Variants in CXXC1 observed in about 807,000 individuals in gnomAD.
CXXC1 encodes the protein CXXC finger protein 1.
In CXXC1, 21 loss-of-function variants were observed where a neutral mutation model predicts 83.6. The observed-to-expected ratio is 0.25, with a 90% confidence interval of 0.18 to 0.36. The LOEUF (loss-of-function observed/expected upper bound fraction) is 0.36, where lower values mean the gene tolerates loss of function less well. CXXC1 is among the 10% of genes least tolerant of loss of function. The probability of loss-of-function intolerance (pLI) is 1.00; values close to 1 mark genes in which losing one functional copy is unlikely to be tolerated. For synonymous variants in CXXC1, 371 were observed against 337.5 expected, an observed-to-expected ratio of 1.10 and a Z score of -1.09; for missense variants, 688 against 919.5, an observed-to-expected ratio of 0.75 and a Z score of 3.26.
At position 50,285,390 on chromosome 18, in the gene CXXC1, G is replaced by A. The variant is rs1234094493; in HGVS notation, c.640-39C>T. On this transcript the variant is annotated intron_variant, in intron 5 of 14. Transcript: ENST00000285106. The surrounding 1 kb of genome is among the most constrained non-coding windows in gnomAD (Gnocchi z 4.4). ...AGGAAGGCCCAGGTCAGCCCCAGGTGGATGGAGGGCGGCCTTGCCCTAGCC... is the reference window on the plus strand; with the variant it reads ...AGGAAGGCCCAGGTCAGCCCCAGGTAGATGGAGGGCGGCCTTGCCCTAGCC... 6.4e-7 allele frequency: 1 copy of A among 1,560,810 alleles called. No individual in the cohort carries two copies. Among genetic ancestry groups the A allele is most frequent in the Admixed American group, 1.8e-5 (1 of 54,544 alleles).
At position 50,285,253 on chromosome 18, in the gene CXXC1, G is replaced by A. The variant is rs1343939528; in HGVS notation, c.667-6C>T. On this transcript the variant is annotated splice_polypyrimidine_tract_variant and splice_region_variant and intron_variant, in intron 6 of 14. Transcript: ENST00000285106. This position sits in a 1 kb window ranked among gnomAD's most constrained non-coding sequence, Gnocchi z 4.4. The stretch of plus-strand genomic sequence containing the variant: ...GAGGGCGTCACTGGTGAGAGCTGCA[G>A]GGCAGAATCTCAGGACTGGCCCTGA... 1.9e-6 allele frequency: 3 copies of A among 1,613,942 alleles called. No homozygotes were observed. The highest frequency in any genetic ancestry group is 2.5e-6 in the Non-Finnish European group (3 of 1,179,962).
Position 50,285,276 on chromosome 18 carries a change from T to A in CXXC1, c.667-29A>T. ...CAGGGCAGAATCTCAGGACTGGCCC[T>A]GACCGCCCTGCCCGCATGCCCCACC... On this transcript the variant is annotated intron_variant, in intron 6 of 14. Transcript: ENST00000285106. The surrounding 1 kb of genome is among the most constrained non-coding windows in gnomAD (Gnocchi z 4.4). The A allele has an allele frequency of 1.9e-6, 3 of 1,612,816 alleles. No individual in the cohort carries two copies. The highest frequency in any genetic ancestry group is 2.5e-6 in the Non-Finnish European group (3 of 1,179,064).
chr18:50,283,383 G>A (rs2040631105), intron 12 of CXXC1, 22 bp from the exon 13 acceptor site: 4 of 1,606,946 alleles, frequency 2.5e-6, no homozygotes, highest in African/African-American at 1.3e-5. Flanking sequence ...GAGTAGAGAG[G>A]GCAGTAGAGG....
At chr18:50,284,328 G>T in intron 9 of CXXC1, 50 bp downstream of exon 9, 2 of 1,517,812 alleles carry the variant, frequency 1.3e-6, no homozygotes, top group South Asian at 2.6e-5. Flanking sequence ...CTGTGGTCAG[G>T]CCCTACCATG....
At position 50,282,873 on chromosome 18, in the gene CXXC1, T is replaced by A; in HGVS notation, c.1805A>T (p.Asp602Val). 1 of 1,614,134 alleles carries A rather than the reference T, an allele frequency of 6.2e-7. No homozygotes were observed. Residue 602 changes from aspartate (D) to valine (V), a missense_variant, in exon 14 of 15, where the codon GAC becomes GTC. Physicochemically the swap from Asp to Val is radical, Grantham distance 152 (BLOSUM62 -3). Around this residue, in one of 9 missense-constraint regions of CXXC1, gnomAD observed 114 missense variants for 173.3 expected, o/e 0.66. Transcript: ENST00000285106. The surrounding 1 kb of genome is among the most constrained non-coding windows in gnomAD (Gnocchi z 5.8). ...ACCTACCACACGCACGCGCTCCAAG[T>A]CCACTTCCGCACGCCGCAGCTTCTC... ...CWEKLRRAEV[D>V]LERVRVWYKL...
chr18:50,283,735 G>A lies in CXXC1; in HGVS notation c.1494C>T (p.Ala498=). Residue 498 remains alanine, a synonymous_variant, in exon 11 of 15, where the codon GCC becomes GCT. Coordinates refer to ENST00000285106, the MANE Select transcript of CXXC1 (RefSeq NM_014593.4). ...SCGHPINPRV[A]LRHMERCYAK... ...CGTAGCAGCGCTCCATGTGGCGCAA[G>A]GCAACACGTGGGTTGATGGGGTGCC... is the stretch of plus-strand genomic sequence containing the variant. 1 of 1,614,222 alleles carries A rather than the reference G, an allele frequency of 6.2e-7. No homozygotes were observed. Among genetic ancestry groups the A allele is most frequent in the African/African-American group, 1.3e-5 (1 of 75,050 alleles).
Position 50,286,488 on chromosome 18 carries a change from C to T in CXXC1, c.223+51G>A, listed in dbSNP as rs367988588. 29 of 1,495,100 alleles carry T rather than the reference C, an allele frequency of 1.9e-5. No individual in the cohort carries two copies. In the African/African-American group the frequency reaches 3.7e-4, roughly 19 times the overall value. 92.6% of individuals were successfully genotyped at this position (1,495,100 alleles called of 1,614,324 possible). A position where few individuals can be genotyped will look rare whatever the true frequency, so the allele number is the denominator to read the frequency against. On this transcript the variant is annotated intron_variant, in intron 3 of 14. Coordinates refer to ENST00000285106, the MANE Select transcript of CXXC1 (RefSeq NM_014593.4). ...CCCATAACCCCCCCTTGTGGCTCCT[C>T]CTCCTCCCTTGAAGCCCCACCTGCC...
chr18:50,287,303 G>A (rs1344693731), intron 1 of CXXC1: 13 of 536,640 alleles, frequency 2.4e-5, no homozygotes, highest in African/African-American at 3.8e-5. Flanking sequence ...ACCACTCAAT[G>A]TGACTCCTTA....
chr18:50,287,672 G>A lies in CXXC1; in HGVS notation c.-83C>T. The A allele has an allele frequency of 1.9e-6, 3 of 1,567,370 alleles. No homozygotes were observed. Among genetic ancestry groups the A allele is most frequent in the African/African-American group, 2.7e-5 (2 of 74,110 alleles). On this transcript the variant is annotated 5_prime_UTR_variant, in exon 1 of 15. Transcript: ENST00000285106. Reference sequence around the variant, plus strand: ...AGACCACTCGGCGGCGTCCCAGGCGGTTGCAAAGGCGCCCACAACTACTTC... The same window carrying A: ...AGACCACTCGGCGGCGTCCCAGGCGATTGCAAAGGCGCCCACAACTACTTC...
Position 50,286,810 on chromosome 18 carries a change from T to G in CXXC1, c.52A>C (p.Lys18Gln). 6.2e-7 allele frequency: 1 copy of G among 1,614,154 alleles called. No individual in the cohort carries two copies. Among genetic ancestry groups the G allele is most frequent in the Non-Finnish European group, 8.5e-7 (1 of 1,180,004 alleles). Residue 18 changes from lysine (K) to glutamine (Q), a missense_variant, in exon 2 of 15, where the codon AAG becomes CAG. Physicochemically the swap from Lys to Gln is moderately conservative, Grantham distance 53. Around this residue, in one of 9 missense-constraint regions of CXXC1, gnomAD observed 51 missense variants for 48.0 expected, o/e 1.06. Coordinates refer to ENST00000285106, the MANE Select transcript of CXXC1 (RefSeq NM_014593.4). Reference sequence around the variant, plus strand: ...GGCGCATTCTCCCCATTCTCGGACTTGCTGTCCTCCCCGGCATCTGGAGGC... The same window carrying G: ...GGCGCATTCTCCCCATTCTCGGACTGGCTGTCCTCCCCGGCATCTGGAGGC... ...PEPPDAGEDSKSENGENAPIY... is the reference protein window; with the variant it reads ...PEPPDAGEDSQSENGENAPIY...
In CXXC1 at chr18:50,282,395, G is replaced by A. The variant is rs780343557; in HGVS notation, c.*198C>T. ...ACAAAACCCAGGGAGAGGAGGCAAG[G>A]ATGAGTGGACTCCGCAGCCCCACCA... is the stretch of plus-strand genomic sequence containing the variant. On this transcript the variant is annotated 3_prime_UTR_variant, in exon 15 of 15. Coordinates refer to ENST00000285106, the MANE Select transcript of CXXC1 (RefSeq NM_014593.4). This position sits in a 1 kb window ranked among gnomAD's most constrained non-coding sequence, Gnocchi z 5.8. The A allele has an allele frequency of 2.3e-4, 155 of 666,582 alleles. No homozygotes were observed. The highest frequency in any genetic ancestry group is 6.1e-4 in the South Asian group (33 of 54,400). 41.3% of individuals were successfully genotyped at this position (666,582 alleles called of 1,614,324 possible).
rs1444570953 is a variant in CXXC1 at position 50,282,783 on chromosome 18, C to T, written c.1825-44G>A. 1.2e-6 allele frequency: 2 copies of T among 1,611,276 alleles called. No homozygotes were observed. Among genetic ancestry groups the T allele is most frequent in the South Asian group, 2.2e-5 (2 of 90,846 alleles). On this transcript the variant is annotated intron_variant, in intron 14 of 14. Transcript: ENST00000285106. The surrounding 1 kb of genome is among the most constrained non-coding windows in gnomAD (Gnocchi z 5.8). ...GAGTCCTAAGCAGGAACACCTGCAGCCCCGCCTGCCCCGGCCACGTCCGAC... is the reference window on the plus strand; with the variant it reads ...GAGTCCTAAGCAGGAACACCTGCAGTCCCGCCTGCCCCGGCCACGTCCGAC...
chr18:50,285,580 G>A lies in CXXC1; in HGVS notation c.639+169C>T. The A allele has an allele frequency of 9.8e-7, 1 of 1,018,718 alleles. No homozygotes were observed. Among genetic ancestry groups the A allele is most frequent in the South Asian group, 1.6e-5 (1 of 62,044 alleles). The allele number at this position is 1,018,718 out of a possible 1,614,324, so 63.1% of individuals were successfully genotyped here. ...TTGGTGGGGGTGTTCTGCCAGCCCA[G>A]CATACCAGGTCATGCCCCATTCATC... On this transcript the variant is annotated intron_variant, in intron 5 of 14. Transcript: ENST00000285106. This position sits in a 1 kb window ranked among gnomAD's most constrained non-coding sequence, Gnocchi z 4.4.
rs1326174765 is a variant in CXXC1, at chr18:50,285,848, G to A, written c.540C>T (p.Asp180=). The A allele has an allele frequency of 1.2e-6, 2 of 1,614,236 alleles. No homozygotes were observed. The highest frequency in any genetic ancestry group is 1.7e-5 in the Admixed American group (1 of 60,030). The part of the protein sequence containing the change: ...GECEACRRTE[D]CGHCDFCRDM... ...CCCGACAGAAATCACAGTGACCACA[G>A]TCCTCAGTGCGCCGACATGCCTCAC... The change falls in exon 5 of 15, where the codon GAC becomes GAT. Residue 180 remains aspartate, a synonymous_variant. Transcript: ENST00000285106. This position sits in a 1 kb window ranked among gnomAD's most constrained non-coding sequence, Gnocchi z 4.4.
chr18:50,283,942 C>G lies in CXXC1; in HGVS notation c.1365G>C (p.Glu455Asp). Residue 455 changes from glutamate to aspartate, a missense_variant, in exon 10 of 15, where the codon GAG becomes GAC. Around this residue, in one of 9 missense-constraint regions of CXXC1, gnomAD observed 100 missense variants for 142.5 expected, o/e 0.70. Coordinates refer to ENST00000285106, the MANE Select transcript of CXXC1 (RefSeq NM_014593.4). Reference sequence around the variant, plus strand: ...GCTGCTTGGCACGTAGAATGATGGCCTCAAGCTCATGGAATCGGCGTTCCA... The same window carrying G: ...GCTGCTTGGCACGTAGAATGATGGCGTCAAGCTCATGGAATCGGCGTTCCA... ...QEMERRFHEL[E>D]AIILRAKQQA... 2 of 1,614,088 alleles carry G rather than the reference C, an allele frequency of 1.2e-6. No homozygotes were observed. The highest frequency in any genetic ancestry group is 1.7e-6 in the Non-Finnish European group (2 of 1,180,042).
In CXXC1 at chr18:50,284,772, A is replaced by T. The variant is rs1296837937; in HGVS notation, c.980T>A (p.Val327Glu). Residue 327 changes from valine to glutamate, a missense_variant, in exon 8 of 15, where the codon GTG (valine) becomes GAG (glutamate). This residue lies in a region of CXXC1 where 190 missense variants were observed against 199.7 expected (regional missense o/e 0.95). Coordinates refer to ENST00000285106, the MANE Select transcript of CXXC1 (RefSeq NM_014593.4). ...CTTCTCCCGACGCTTCACATGCTTC[A>T]CTTTCACTGCCCTCTTCCGCAGCGC... ...DPALRKRAVK[V>E]KHVKRREKKS... The T allele has an allele frequency of 1.2e-6, 2 of 1,613,940 alleles. No individual in the cohort carries two copies. The highest frequency in any genetic ancestry group is 1.7e-6 in the Non-Finnish European group (2 of 1,179,990).
chr18:50,284,893 C>A, intron 7 of CXXC1, 54 bp from the exon 8 acceptor site: 1 of 1,613,356 alleles, frequency 6.2e-7, no homozygotes, highest in African/African-American at 1.3e-5. Context: ...AACCCCACCA[C>A]CTACTCATGT....
Position 50,284,499 on chromosome 18 carries a change from C to G in CXXC1, c.1084G>C (p.Glu362Gln), listed in dbSNP as rs1311666746. Residue 362 changes from glutamate to glutamine, a missense_variant, in exon 9 of 15, where the codon GAG becomes CAG. Around this residue, in one of 9 missense-constraint regions of CXXC1, gnomAD observed 190 missense variants for 199.7 expected, o/e 0.95. Transcript: ENST00000285106. The part of the protein sequence containing the change: ...QKHKDKWKHP[E>Q]RADAKDPASL... ...GCAGGGTCCTTGGCATCAGCCCTCT[C>G]TGGGTGTTTCCATTTATCCTTGTGC... The G allele has an allele frequency of 6.2e-7, 1 of 1,608,366 alleles. No homozygotes were observed. The highest frequency in any genetic ancestry group is 2.2e-5 in the East Asian group (1 of 44,798).
chr18:50,284,545 C>T lies in CXXC1; in HGVS notation c.1038G>A (p.Lys346=). 1.3e-6 allele frequency: 2 copies of T among 1,588,304 alleles called. No individual in the cohort carries two copies. The highest frequency in any genetic ancestry group is 2.2e-5 in the East Asian group (1 of 44,646). Residue 346 remains lysine, a synonymous_variant, in exon 9 of 15, where the codon AAG becomes AAA. Coordinates refer to ENST00000285106, the MANE Select transcript of CXXC1 (RefSeq NM_014593.4). ...TGTGCTTCTGCTTCTGCCGATGCCGCTTGTATCGCTCCTCCTTCTGTTGAG... is the reference window on the plus strand; with the variant it reads ...TGTGCTTCTGCTTCTGCCGATGCCGTTTGTATCGCTCCTCCTTCTGTTGAG... ...KSEKKKEERY[K]RHRQKQKHKD...
Sources: allele counts gnomAD v4.1 joint callset, GRCh38; gene constraint gnomAD v4.1.1; regional missense constraint gnomAD v4.1.1; non-coding constraint Gnocchi (gnomAD v3.1); transcripts MANE v1.5; gene names NCBI Gene and HGNC (gene_info 2026-07-23, HGNC 2026-07-21).